Variants in CRIM1 observed in about 807,000 individuals in gnomAD.
CRIM1 encodes the protein cysteine rich transmembrane BMP regulator 1, also known as cysteine-rich motor neuron 1 protein.
Under a neutral mutation model 116.4 loss-of-function variants are expected in CRIM1, and 32 were observed. The ratio of observed to expected loss-of-function variants is 0.27; its 90% CI spans 0.21 to 0.37. CRIM1 has a LOEUF of 0.37. Among genes scored for constraint, CRIM1 ranks in the 10% least tolerant of loss-of-function variants. The pLI is 1.00. For synonymous variants in CRIM1, 590 were observed against 509.2 expected (o/e 1.16, Z -2.13); for missense variants, 1,331 against 1,354.8 (o/e 0.98, Z 0.28).
intron 2 of CRIM1, among the ~76,000 whole-genome samples, chr2:36,415,204 C>T (rs1433885788): frequency 6.6e-6 from 1 of 152,052 alleles, no homozygotes; most frequent in Non-Finnish European, 1.5e-5. Context: ...CAGTTGGTAC[C>T]ATTTCCTAAG....
At chr2:36,533,816 C>T (rs1282846885) in intron 13 of CRIM1, among the ~76,000 whole-genome samples, 1 of 152,110 alleles carries the variant, frequency 6.6e-6, no homozygotes, top group East Asian at 1.9e-4. Flanking sequence ...CTACATAGGT[C>T]AGTATCATTC....
intron 2 of CRIM1, among the ~76,000 whole-genome samples, chr2:36,418,783 T>G (rs779592214): frequency 6.8e-4 from 103 of 152,160 alleles, no homozygotes; most frequent in Non-Finnish European, 1.1e-3. Flanking sequence ...GATCAAAAGT[T>G]TTGTTTCCAC....
chr2:36,369,982 T>C (rs562804845), intron 1 of CRIM1, among the ~76,000 whole-genome samples: 1 of 152,342 alleles, frequency 6.6e-6, no homozygotes, highest in South Asian at 2.1e-4. Context: ...ACGCCCCAGC[T>C]TGAAGCAAGT....
intron 1 of CRIM1, among the ~76,000 whole-genome samples, chr2:36,372,340 A>G (rs1267590127): frequency 6.6e-6 from 1 of 152,176 alleles, no homozygotes; most frequent in Admixed American, 6.5e-5. Context: ...TGGAGCCCCA[A>G]CTTGTTATTT....
chr2:36,495,265 T>C (rs1197120273), intron 7 of CRIM1, among the ~76,000 whole-genome samples: 1 of 152,158 alleles, frequency 6.6e-6, no homozygotes, highest in East Asian at 1.9e-4. Flanking sequence ...CACAGAAATG[T>C]AGGATTTAAA....
chr2:36,398,869 TAATA>T (rs1453804403), intron 2 of CRIM1, among the ~76,000 whole-genome samples: 11 of 152,216 alleles, frequency 7.2e-5, no homozygotes, highest in Admixed American at 2.6e-4. Context: ...AAATCATACT[TAATA>T]AATAGTCACG....
chr2:36,372,271 G>C (rs912006101), intron 1 of CRIM1, among the ~76,000 whole-genome samples: 1 of 152,138 alleles, frequency 6.6e-6, no homozygotes. Flanking sequence ...GCAAAATTCC[G>C]TTTGGATTTA....
intron 8 of CRIM1, among the ~76,000 whole-genome samples, chr2:36,505,071 T>C (rs903414049): frequency 2.6e-5 from 4 of 152,210 alleles, no homozygotes; most frequent in African/African-American, 7.2e-5. Flanking sequence ...GCATCAAATA[T>C]AGGGAGGCAG....
chr2:36,446,530 A>T (rs1213126199), intron 4 of CRIM1, among the ~76,000 whole-genome samples: 1 of 151,968 alleles, frequency 6.6e-6, no homozygotes, highest in African/African-American at 2.4e-5. Flanking sequence ...GTCTTGTTTA[A>T]TGGCCTTTCA....
At chr2:36,366,625 C>T (rs1316179564) in intron 1 of CRIM1, among the ~76,000 whole-genome samples, 1 of 151,948 alleles carries the variant, frequency 6.6e-6, no homozygotes, top group Non-Finnish European at 1.5e-5. Flanking sequence ...AAAACAAAAA[C>T]CATAAACAAA....
At chr2:36,442,789 A>G in intron 4 of CRIM1, 54 bp downstream of exon 4, 1 of 1,606,438 alleles carries the variant, frequency 6.2e-7, no homozygotes. Flanking sequence ...GCATCATCTA[A>G]GGTACATTTT....
intron 8 of CRIM1, among the ~76,000 whole-genome samples, chr2:36,508,478 C>A (rs1382488618): frequency 6.6e-6 from 1 of 152,148 alleles, no homozygotes; most frequent in African/African-American, 2.4e-5. Context: ...TGTGTTATTA[C>A]AATATTCATG....
At chr2:36,492,691 G>T (rs982661956) in intron 7 of CRIM1, among the ~76,000 whole-genome samples, 1 of 152,182 alleles carries the variant, frequency 6.6e-6, no homozygotes, top group Non-Finnish European at 1.5e-5. Flanking sequence ...AAGCTTTGAT[G>T]CTGTCTTGGC....
chr2:36,363,432 T>G (rs1052123610), intron 1 of CRIM1, among the ~76,000 whole-genome samples: 27 of 151,610 alleles, frequency 1.8e-4, no homozygotes, highest in Non-Finnish European at 3.2e-4. Context: ...TCTTGTTCTC[T>G]TAATCCCCAT....
intron 1 of CRIM1, among the ~76,000 whole-genome samples, chr2:36,382,624 C>G (rs1670867672): frequency 6.6e-6 from 1 of 152,204 alleles, no homozygotes; most frequent in African/African-American, 2.4e-5. Flanking sequence ...GTGCAGCATC[C>G]CTTTCCTCCA....
chr2:36,547,315 A>T (rs1667424345), intron 16 of CRIM1, 144 bp downstream of exon 16: 2 of 654,964 alleles, frequency 3.1e-6, no homozygotes, highest in Middle Eastern at 4.1e-4. Context: ...AGGCTATAGT[A>T]TGAATCAAAT....
chr2:36,391,988 A>G (rs1671648787), intron 1 of CRIM1, among the ~76,000 whole-genome samples: 1 of 152,202 alleles, frequency 6.6e-6, no homozygotes, highest in Non-Finnish European at 1.5e-5. Context: ...CAAATTATTA[A>G]GTTTATTACA....
chr2:36,357,113 C>A (rs908751354), intron 1 of CRIM1, among the ~76,000 whole-genome samples: 1 of 152,228 alleles, frequency 6.6e-6, no homozygotes, highest in Non-Finnish European at 1.5e-5. Context: ...AGCTCGCACT[C>A]CCCGAGTGAC....
At chr2:36,446,146 T>C (rs557719669) in intron 4 of CRIM1, among the ~76,000 whole-genome samples, 1 of 152,332 alleles carries the variant, frequency 6.6e-6, no homozygotes, top group African/African-American at 2.4e-5. Flanking sequence ...TTTATTGCAC[T>C]TTCATGGGCT....
Sources: gnomAD v4.1 joint callset for allele counts (sites outside exome capture counted in the v4.1 genomes callset) on GRCh38, gnomAD v4.1.1 for gene constraint, MANE v1.5 for transcripts, NCBI Gene and HGNC (gene_info 2026-07-23, HGNC 2026-07-21) for gene names.